The following SLC36A2 variants were observed in gnomAD, a reference collection of about 807,000 sequenced individuals.
The protein encoded by SLC36A2 is solute carrier family 36 member 2.
Under a neutral mutation model 42.7 loss-of-function variants are expected in SLC36A2, and 39 were observed. That is an observed-to-expected ratio of 0.91 (90% confidence interval 0.71 to 1.19). The LOEUF (loss-of-function observed/expected upper bound fraction) is 1.19, where lower values mean the gene tolerates loss of function less well. Among genes scored for constraint, SLC36A2 ranks in the 50% most tolerant of loss-of-function variants. The pLI is 0.00. For missense variants in SLC36A2, 590 were observed against 613.7 expected (o/e 0.96, Z 0.41); for synonymous variants, 237 against 240.8 (o/e 0.98, Z 0.15).
intron 5 of SLC36A2, 152 bp from the exon 6 acceptor site, chr5:151,335,699 A>G: frequency 2.9e-6 from 2 of 692,722 alleles, no homozygotes; most frequent in East Asian, 2.7e-5. Flanking sequence ...TGAATGTAGA[A>G]CTTATTCTAA....
chr5:151,335,607 G>T, intron 5 of SLC36A2, 60 bp from the exon 6 acceptor site: 1 of 1,224,852 alleles, frequency 8.2e-7, no homozygotes, highest in Non-Finnish European at 1.2e-6. Context: ...CCTCATGGTT[G>T]ACTCAGTGCC....
Position 151,339,078 on chromosome 5 carries a change from CA to C in SLC36A2, c.506del (p.Leu169TrpfsTer5). ...LGFCCVYIVF[L>X]ADNLKQVVEA... ...CCTCTACCTGTTTTAAATTATCAGC[CA>C]AAAACACAATGTACACACAGCAGAA... On this transcript the variant is annotated frameshift_variant, in exon 5 of 10. Coordinates refer to ENST00000335244, the MANE Select transcript of SLC36A2 (RefSeq NM_181776.3). LOFTEE classifies it high-confidence loss of function. 6.2e-7 allele frequency: 1 copy of C among 1,610,128 alleles called. No individual in the cohort carries two copies.
chr5:151,344,134 C>A (rs1346860310), intron 2 of SLC36A2, 43 bp downstream of exon 2: 1 of 1,577,736 alleles, frequency 6.3e-7, no homozygotes, highest in East Asian at 2.3e-5. Flanking sequence ...TACTTCCCTT[C>A]TGCAACTGAC....
rs1054980663 is a variant in SLC36A2, at chr5:151,344,285, G to A, written c.165-18C>T. The A allele has an allele frequency of 3.1e-6, 5 of 1,600,082 alleles. No homozygotes were observed. The African/African-American group carries it at 5.4e-5, about 17-fold the overall frequency. On this transcript the variant is annotated intron_variant, in intron 1 of 9. Coordinates refer to ENST00000335244, the MANE Select transcript of SLC36A2 (RefSeq NM_181776.3). ...GGAACACTCTAAAGGAGAGGAAGGA[G>A]ATGTGAAGTATGGGTGTGTGGAGGT... is the stretch of plus-strand genomic sequence containing the variant.
At chr5:151,339,023 C>T (rs764598398) in intron 5 of SLC36A2, 37 bp downstream of exon 5, 12 of 1,476,094 alleles carry the variant, frequency 8.1e-6, no homozygotes, top group African/African-American at 1.4e-5. Context: ...TGTCCTTGTC[C>T]ATCTTTTCCC....
chr5:151,318,115 C>G (rs1755557178), intron 9 of SLC36A2, among the ~76,000 whole-genome samples: 1 of 152,154 alleles, frequency 6.6e-6, no homozygotes, highest in Non-Finnish European at 1.5e-5. Context: ...GTCAGGAGGT[C>G]CCGCTTACAT....
chr5:151,343,125 C>A (rs1366974339), intron 3 of SLC36A2, 142 bp from the exon 4 acceptor site: 12 of 729,916 alleles, frequency 1.6e-5, no homozygotes, highest in Non-Finnish European at 2.7e-5. Flanking sequence ...GGCTTTGACA[C>A]TCAGCAGTAA....
At chr5:151,321,947 G>A (rs1427826047) in intron 9 of SLC36A2, 99 bp downstream of exon 9, 5 of 1,520,432 alleles carry the variant, frequency 3.3e-6, no homozygotes, top group Non-Finnish European at 4.5e-6. Context: ...CAAAGTGCCA[G>A]GATTACAGGT....
rs555631734 is a variant in SLC36A2 at position 151,344,932 on chromosome 5, G to T, written c.165-665C>A. On this transcript the variant is annotated intron_variant, in intron 1 of 9. Coordinates refer to ENST00000335244, the MANE Select transcript of SLC36A2 (RefSeq NM_181776.3). ...TGACTGGGTCCCCAGATGAGGTCTG[G>T]CGGGGCATAACCATTCAGGGATTGG... 1.8e-4 allele frequency among the ~76,000 whole-genome samples: 27 copies of T among 152,264 alleles called. No individual in the cohort carries two copies. The South Asian group carries it at 2.1e-3, about 12-fold the overall frequency.
At chr5:151,336,819 G>C (rs767728032) in intron 5 of SLC36A2, among the ~76,000 whole-genome samples, 2 of 151,816 alleles carry the variant, frequency 1.3e-5, no homozygotes, top group Non-Finnish European at 2.9e-5. Context: ...AATCACTGCA[G>C]AACGATTAGG....
At chr5:151,317,642 A>AG (rs1412938682) in intron 9 of SLC36A2, among the ~76,000 whole-genome samples, 1 of 152,176 alleles carries the variant, frequency 6.6e-6, no homozygotes, top group African/African-American at 2.4e-5. Flanking sequence ...CTGAGGCAGG[A>AG]GGATCCAGGA....
At chr5:151,340,321 G>A (rs1455827118) in intron 4 of SLC36A2, among the ~76,000 whole-genome samples, 2 of 152,122 alleles carry the variant, frequency 1.3e-5, no homozygotes, top group Non-Finnish European at 2.9e-5. Context: ...GGAGGAGGAG[G>A]AGGACAGTTT....
intron 9 of SLC36A2, chr5:151,319,348 T>C (rs1210830289): frequency 6.5e-6 from 1 of 154,130 alleles, no homozygotes; most frequent in Non-Finnish European, 1.4e-5. Context: ...TGAGAACTAA[T>C]CACTTCAAAA....
chr5:151,328,957 A>G (rs1561654725), intron 7 of SLC36A2, among the ~76,000 whole-genome samples: 1 of 152,246 alleles, frequency 6.6e-6, no homozygotes, highest in Non-Finnish European at 1.5e-5. Context: ...CAGGAAGTAC[A>G]TGACAGTGTA....
intron 9 of SLC36A2, chr5:151,319,187 T>TC (rs1755610051): frequency 2.1e-6 from 2 of 930,448 alleles, no homozygotes; most frequent in African/African-American, 3.6e-5. Flanking sequence ...TTGCTATTAC[T>TC]CCAAGTTATT....
Position 151,325,349 on chromosome 5 carries a change from A to G in SLC36A2, c.947T>C (p.Leu316Pro). Residue 316 changes from leucine (L) to proline (P), a missense_variant, in exon 8 of 10, where the codon CTG (leucine) becomes CCG (proline). By Grantham distance (98) the Leu-to-Pro change is moderately conservative (BLOSUM62 -3). Transcript: ENST00000335244. ...VTSLYIGMAA[L>P]GYLRFGDDIK... ...GTCATCTCCAAACCGCAGGTAGCCC[A>G]GAGCCGCCATGCCAATGTATAGGGA... 6.2e-7 allele frequency: 1 copy of G among 1,614,184 alleles called. No homozygotes were observed. The highest frequency in any genetic ancestry group is 8.5e-7 in the Non-Finnish European group (1 of 1,180,028).
At chr5:151,317,765 G>C (rs1313327150) in intron 9 of SLC36A2, among the ~76,000 whole-genome samples, 1 of 152,094 alleles carries the variant, frequency 6.6e-6, no homozygotes, top group Non-Finnish European at 1.5e-5. Context: ...CATATTGTTG[G>C]GAGGAAATGT....
chr5:151,321,834 C>T (rs370908348), intron 9 of SLC36A2: 32 of 534,860 alleles, frequency 6.0e-5, no homozygotes, highest in African/African-American at 3.0e-4. Flanking sequence ...CGTGCCACCA[C>T]GCCTGGTTAA....
chr5:151,322,134 G>T lies in SLC36A2; in HGVS notation c.1092C>A (p.Ile364=). The change falls in exon 9 of 10, where the codon ATC becomes ATA. Residue 364 remains isoleucine (I), a synonymous_variant. Coordinates refer to ENST00000335244, the MANE Select transcript of SLC36A2 (RefSeq NM_181776.3). Reference sequence around the variant, plus strand: ...CCCGGGAGATGGCAAAGGGGATGATGATTTCTGCAGGGACGTAGAACTGCA... The same window carrying T: ...CCCGGGAGATGGCAAAGGGGATGATTATTTCTGCAGGGACGTAGAACTGCA... ...YALQFYVPAE[I]IIPFAISRVS... 2 of 1,614,196 alleles carry T rather than the reference G, an allele frequency of 1.2e-6. No individual in the cohort carries two copies. Among genetic ancestry groups the T allele is most frequent in the African/African-American group, 1.3e-5 (1 of 75,054 alleles).
Sources: allele counts gnomAD v4.1 joint callset (sites outside exome capture counted in the v4.1 genomes callset), GRCh38; gene constraint gnomAD v4.1.1; transcripts MANE v1.5; gene names NCBI Gene and HGNC (gene_info 2026-07-23, HGNC 2026-07-21).